Variants in PACS2 observed in about 807,000 individuals in gnomAD.
PACS2 encodes phosphofurin acidic cluster sorting protein 2, also known as PACS1-like protein.
Under a neutral mutation model 113.0 loss-of-function variants are expected in PACS2, and 36 were observed. The observed-to-expected ratio is 0.32, with a 90% confidence interval of 0.24 to 0.42. The LOEUF is 0.42. Among genes scored for constraint, PACS2 ranks in the 10% least tolerant of loss-of-function variants. The probability of loss-of-function intolerance (pLI) is 1.00; values close to 1 mark genes in which losing one functional copy is unlikely to be tolerated. For missense variants in PACS2, 1,015 were observed against 1,239.5 expected (o/e 0.82, Z 2.72); for synonymous variants, 589 against 536.1 (o/e 1.10, Z -1.36).
chr14:105,392,264 C>T lies in PACS2; in HGVS notation c.2256-355C>T, dbSNP rs188670967. 5 of 385,076 alleles carry T rather than the reference C, an allele frequency of 1.3e-5. No homozygotes were observed. In the East Asian group the frequency reaches 3.0e-4, roughly 23 times the overall value. The allele number at this position is 385,076 out of a possible 1,614,324, so 23.9% of individuals were successfully genotyped here. ...GCAGGGCTCACACCAGCAGATACCC[C>T]CCCGACCCCCCTGCCTCTGTGTTTC... On this transcript the variant is annotated intron_variant, in intron 22 of 24. Transcript: ENST00000447393.
At chr14:105,393,917 G>C (rs958646412) in intron 24 of PACS2, among the ~76,000 whole-genome samples, 1 of 151,854 alleles carries the variant, frequency 6.6e-6, no homozygotes, top group African/African-American at 2.4e-5. Context: ...TAGTTTAAAA[G>C]TGTTGGCTGA....
intron 1 of PACS2, among the ~76,000 whole-genome samples, chr14:105,319,928 A>C (rs921888390): frequency 3.3e-5 from 5 of 152,230 alleles, no homozygotes; most frequent in Admixed American, 2.0e-4. Flanking sequence ...AGGATTATAT[A>C]ATTTTTATCT....
intron 1 of PACS2, among the ~76,000 whole-genome samples, chr14:105,328,053 T>C (rs2059186247): frequency 6.6e-6 from 1 of 152,266 alleles, no homozygotes; most frequent in South Asian, 2.1e-4. Flanking sequence ...CCAGGATTCG[T>C]CAACCTTCAG....
chr14:105,328,004 G>A (rs587734706), intron 1 of PACS2, among the ~76,000 whole-genome samples: 4 of 152,374 alleles, frequency 2.6e-5, no homozygotes, highest in Admixed American at 6.5e-5. Context: ...CAGGCCACCC[G>A]AGGTTTCACT....
chr14:105,315,864 C>T lies in PACS2; in HGVS notation c.119+827C>T, dbSNP rs1410905501. Among the ~76,000 whole-genome samples, 1 of 152,226 alleles carries T rather than the reference C, an allele frequency of 6.6e-6. No individual in the cohort carries two copies. The highest frequency in any genetic ancestry group is 1.5e-5 in the Non-Finnish European group (1 of 68,036). On this transcript the variant is annotated intron_variant, in intron 1 of 24. Transcript: ENST00000447393. This position sits in a 1 kb window ranked among gnomAD's most constrained non-coding sequence, Gnocchi z 4.4. ...CACGCTCTCCGGAAAAGTTCTGGTTCTAGAATAGACAGCAGGCGAGAAGAG... is the reference window on the plus strand; with the variant it reads ...CACGCTCTCCGGAAAAGTTCTGGTTTTAGAATAGACAGCAGGCGAGAAGAG...
rs1223820473 is a variant in PACS2 at position 105,314,844 on chromosome 14, CGCCCGGCCCGCCCGCCGCGCGTCCGCG to C, written c.-66_-40del. On this transcript the variant is annotated 5_prime_UTR_variant, in exon 1 of 25. Transcript: ENST00000447393. The stretch of plus-strand genomic sequence containing the variant: ...TGTGACCGCGCCGCCGCCCTCCGCG[CGCCCGGCCCGCCCGCCGCGCGTCCGCG>C]GCCCGGCCGCAGCCCCAGGCCGCCG... The C allele has an allele frequency of 3.7e-3, 2,262 of 603,250 alleles. 2 individuals carry two copies. The highest frequency in any genetic ancestry group is 4.4e-3 in the Non-Finnish European group (2,152 of 485,466). 37.4% of individuals were successfully genotyped at this position (603,250 alleles called of 1,614,324 possible).
Position 105,396,194 on chromosome 14 carries a change from G to A in PACS2, c.*1522G>A, listed in dbSNP as rs1343731754. On this transcript the variant is annotated 3_prime_UTR_variant, in exon 25 of 25. Coordinates refer to ENST00000447393, the MANE Select transcript of PACS2 (RefSeq NM_001100913.3). Reference sequence around the variant, plus strand: ...CTCAGCTCCCTGGGTTCAGGCCTCAGAGGTAGCCTGTGTGCAGGAGGCAGA... The same window carrying A: ...CTCAGCTCCCTGGGTTCAGGCCTCAAAGGTAGCCTGTGTGCAGGAGGCAGA... 1 of 152,350 alleles carries A rather than the reference G, an allele frequency of 6.6e-6. No individual in the cohort carries two copies. The highest frequency in any genetic ancestry group is 1.5e-5 in the Non-Finnish European group (1 of 68,164). The allele number at this position is 152,350 out of a possible 1,614,324, so 9.4% of individuals were successfully genotyped here.
Position 105,321,368 on chromosome 14 carries a change from CT to C in PACS2, c.119+6342del, listed in dbSNP as rs796214953. Among the ~76,000 whole-genome samples the C allele has an allele frequency of 3.7e-4, 55 of 148,040 alleles. 1 individual carries two copies. Among genetic ancestry groups the C allele is most frequent in the Middle Eastern group, 3.6e-3 (1 of 276 alleles). ...CAGTTCTGTCAGTTTCTGTTTGATA[CT>C]TTTTTTTTTTCCAGACAGGATCTCA... On this transcript the variant is annotated intron_variant, in intron 1 of 24. Transcript: ENST00000447393.
Position 105,368,140 on chromosome 14 carries a change from A to G in PACS2, c.653A>G (p.Gln218Arg), listed in dbSNP as rs782203568. 4 of 1,607,044 alleles carry G rather than the reference A, an allele frequency of 2.5e-6. No individual in the cohort carries two copies. The highest frequency in any genetic ancestry group is 3.4e-6 in the Non-Finnish European group (4 of 1,176,332). The change falls in exon 6 of 25, where the codon CAG becomes CGG. Residue 218 changes from glutamine (Q) to arginine (R), a missense_variant. Gln to Arg is a conservative substitution (Grantham distance 43, BLOSUM62 1). Around this residue, in one of 3 missense-constraint regions of PACS2, gnomAD observed 859 missense variants for 1,056.8 expected, o/e 0.81. Transcript: ENST00000447393. ...SEQEASDDAV[Q>R]GQDLDEDDFD... ...CAGGAGGCCAGTGACGACGCCGTGC[A>G]GGGGCAGGTGACCTGGGGCCGGGGC...
Position 105,352,404 on chromosome 14 carries a change from T to A in PACS2, c.234T>A (p.His78Gln). 6.6e-7 allele frequency: 1 copy of A among 1,525,930 alleles called. No homozygotes were observed. The highest frequency in any genetic ancestry group is 9.1e-7 in the Non-Finnish European group (1 of 1,100,094). The allele number at this position is 1,525,930 out of a possible 1,614,324, so 94.5% of individuals were successfully genotyped here. A position where few individuals can be genotyped will look rare whatever the true frequency, so the allele number is the denominator to read the frequency against. ...MQGSKRILRS[H>Q]EIVLPPSGQV... is the part of the protein sequence containing the mutation. Reference sequence around the variant, plus strand: ...GCTCCAAACGAATCCTGCGGTCCCATGAGATTGTGCTGCCCCCCAGTGGAC... The same window carrying A: ...GCTCCAAACGAATCCTGCGGTCCCAAGAGATTGTGCTGCCCCCCAGTGGAC... The change falls in exon 3 of 25, where the codon CAT (histidine) becomes CAA (glutamine). Residue 78 changes from histidine (H) to glutamine (Q), a missense_variant. Physicochemically the swap from His to Gln is conservative, Grantham distance 24. Transcript: ENST00000447393.
intron 4 of PACS2, among the ~76,000 whole-genome samples, chr14:105,362,404 G>T (rs587611025): frequency 1.2e-4 from 18 of 146,302 alleles, no homozygotes; most frequent in Non-Finnish European, 1.8e-4. Context: ...GCGACAGAGC[G>T]AGACTCCGTC....
In PACS2 at chr14:105,368,297, G is replaced by A. The variant is rs587749577; in HGVS notation, c.660+150G>A. 117 of 818,600 alleles carry A rather than the reference G, an allele frequency of 1.4e-4. No individual in the cohort carries two copies. In the South Asian group the frequency reaches 1.6e-3, roughly 11 times the overall value. 50.7% of individuals were successfully genotyped at this position (818,600 alleles called of 1,614,324 possible). On this transcript the variant is annotated intron_variant, in intron 6 of 24. Transcript: ENST00000447393. ...GTTGGCCGCCCATCTCTCGTCTCCC[G>A]ACCCCAGGGGCCCGAGTTTATGCTC...
At chr14:105,322,848 G>C (rs1382200254) in intron 1 of PACS2, among the ~76,000 whole-genome samples, 2 of 152,180 alleles carry the variant, frequency 1.3e-5, no homozygotes, top group African/African-American at 4.8e-5. Context: ...TTTGTTCTTA[G>C]GATTTCCTTT....
rs189457074 is a variant in PACS2, at chr14:105,366,737, C to T, written c.424-476C>T. 1.1e-3 allele frequency among the ~76,000 whole-genome samples: 167 copies of T among 152,246 alleles called. No homozygotes were observed. Among genetic ancestry groups the T allele is most frequent in the Non-Finnish European group, 1.8e-3 (122 of 67,996 alleles). On this transcript the variant is annotated intron_variant, in intron 4 of 24. Coordinates refer to ENST00000447393, the MANE Select transcript of PACS2 (RefSeq NM_001100913.3). This position sits in a 1 kb window ranked among gnomAD's most constrained non-coding sequence, Gnocchi z 4.3. ...CATTGGCTCCTGTGGGTTGGGCAGCCGGCTTCACACACTGCTTTGCTGCTG... is the reference window on the plus strand; with the variant it reads ...CATTGGCTCCTGTGGGTTGGGCAGCTGGCTTCACACACTGCTTTGCTGCTG...
At chr14:105,347,028 C>A (rs1215888134) in intron 1 of PACS2, among the ~76,000 whole-genome samples, 1 of 124,278 alleles carries the variant, frequency 8.0e-6, no homozygotes, top group Non-Finnish European at 1.7e-5. Flanking sequence ...TGCACGGCTC[C>A]CCCACTGCCT....
intron 1 of PACS2, among the ~76,000 whole-genome samples, chr14:105,337,904 G>T (rs1397306821): frequency 6.6e-6 from 1 of 152,220 alleles, no homozygotes; most frequent in Non-Finnish European, 1.5e-5. Flanking sequence ...GCCTGTCTCA[G>T]CCCCCACATG....
rs1343666842 is a variant in PACS2 at position 105,376,911 on chromosome 14, C to G, written c.945C>G (p.Pro315=). Residue 315 remains proline (P), a synonymous_variant, in exon 9 of 25, where the codon CCC becomes CCG. Transcript: ENST00000447393. This position sits in a 1 kb window ranked among gnomAD's most constrained non-coding sequence, Gnocchi z 4.7. ...ATGACGACAGCGTCCTCAGCACCCC[C>G]AAGCCGAAGCTGCGGTGAGCCCTAC... The part of the protein sequence containing the change: ...MEDDDSVLST[P]KPKLRPYFEG... 2 of 1,609,348 alleles carry G rather than the reference C, an allele frequency of 1.2e-6. No individual in the cohort carries two copies. Among genetic ancestry groups the G allele is most frequent in the African/African-American group, 2.7e-5 (2 of 74,874 alleles).
chr14:105,341,288 C>T (rs1274685009), intron 1 of PACS2, among the ~76,000 whole-genome samples: 3 of 152,192 alleles, frequency 2.0e-5, no homozygotes, highest in Non-Finnish European at 2.9e-5. Context: ...CTCTGGGATT[C>T]GGATTCAAGT....
At position 105,356,367 on chromosome 14, in the gene PACS2, G is replaced by A. The variant is rs1387248034; in HGVS notation, c.423+1190G>A. ...TCCCGAGGCCTCGCTTCTCCGTGCCGCCGCAGGGCCTCAGACAAGCTTTGC... is the reference window on the plus strand; with the variant it reads ...TCCCGAGGCCTCGCTTCTCCGTGCCACCGCAGGGCCTCAGACAAGCTTTGC... On this transcript the variant is annotated intron_variant, in intron 4 of 24. Transcript: ENST00000447393. The surrounding 1 kb of genome is among the most constrained non-coding windows in gnomAD (Gnocchi z 4.0). 4.6e-5 allele frequency among the ~76,000 whole-genome samples: 7 copies of A among 152,170 alleles called. No homozygotes were observed. The highest frequency in any genetic ancestry group is 1.2e-4 in the African/African-American group (5 of 41,438).
Sources: gnomAD v4.1 joint callset for allele counts (sites outside exome capture counted in the v4.1 genomes callset) on GRCh38, gnomAD v4.1.1 for gene constraint, gnomAD v4.1.1 regional missense constraint, Gnocchi (gnomAD v3.1) non-coding constraint, MANE v1.5 for transcripts, NCBI Gene and HGNC (gene_info 2026-07-23, HGNC 2026-07-21) for gene names.